The following ZNFX1 variants were observed in gnomAD, a reference collection of about 807,000 sequenced individuals.
ZNFX1 encodes the protein zinc finger NFX1-type containing 1.
ZNFX1 carries 78 observed loss-of-function variants against 179.8 expected under a neutral mutation model. The ratio of observed to expected loss-of-function variants is 0.43; its 90% CI spans 0.36 to 0.52. ZNFX1 has a LOEUF of 0.52. ZNFX1 is among the 20% of genes least tolerant of loss of function. The pLI is 0.00. For missense variants in ZNFX1, 1,927 were observed against 2,386.6 expected, an observed-to-expected ratio of 0.81 and a Z score of 4.01; for synonymous variants, 848 against 868.5, an observed-to-expected ratio of 0.98 and a Z score of 0.42.
intron 9 of ZNFX1, among the ~76,000 whole-genome samples, chr20:49,255,172 T>C (rs1221456329): frequency 6.6e-6 from 1 of 151,392 alleles, no homozygotes; most frequent in Non-Finnish European, 1.5e-5. Context: ...GCCTCCCGAG[T>C]AGCTGGGATT....
Position 49,270,699 on chromosome 20 carries a change from G to C in ZNFX1, c.1113C>G (p.Thr371=). Residue 371 remains threonine (T), a synonymous_variant, in exon 3 of 14, where the codon ACC becomes ACG. Transcript: ENST00000396105. The surrounding 1 kb of genome is among the most constrained non-coding windows in gnomAD (Gnocchi z 4.6). ...KYDSTAIYLD[T]HFRLLREDFV... is the part of the protein sequence containing the mutation. ...AATCTTCTCGCAGGAGCCGGAAGTG[G>C]GTATCCAGATAGATAGCAGTGCTGT... is the stretch of plus-strand genomic sequence containing the variant. 6.2e-7 allele frequency: 1 copy of C among 1,614,128 alleles called. No homozygotes were observed. The highest frequency in any genetic ancestry group is 8.5e-7 in the Non-Finnish European group (1 of 1,180,040).
intron 2 of ZNFX1, among the ~76,000 whole-genome samples, chr20:49,272,463 C>T (rs1218791521): frequency 6.6e-6 from 1 of 152,110 alleles, no homozygotes; most frequent in South Asian, 2.1e-4. Context: ...GGATTACAGG[C>T]GTAAGCCACC....
rs116381562 is a variant in ZNFX1, at chr20:49,262,715, T to G, written c.2301+619A>C. 4.8e-3 allele frequency among the ~76,000 whole-genome samples: 735 copies of G among 152,322 alleles called. 6 individuals carry two copies. Among genetic ancestry groups the G allele is most frequent in the African/African-American group, 0.017 (688 of 41,568 alleles). On this transcript the variant is annotated intron_variant, in intron 6 of 13. Coordinates refer to ENST00000396105, the MANE Select transcript of ZNFX1 (RefSeq NM_021035.3). The stretch of plus-strand genomic sequence containing the variant: ...TTCACTGGGTTCCTAGCCTGCCACT[T>G]TACAGAGACTGTCTCAGTTATTTCT...
chr20:49,275,727 C>T, intron 2 of ZNFX1, 52 bp downstream of exon 2: 1 of 1,566,810 alleles, frequency 6.4e-7, no homozygotes, highest in Non-Finnish European at 8.8e-7. Context: ...AGCCCTATTT[C>T]CTTCTTTTAT....
At chr20:49,266,805 G>C (rs1261876777) in intron 3 of ZNFX1, among the ~76,000 whole-genome samples, 1 of 151,986 alleles carries the variant, frequency 6.6e-6, no homozygotes, top group Non-Finnish European at 1.5e-5. Flanking sequence ...TGTGATGGGA[G>C]GGGAAAACTT....
intron 13 of ZNFX1, among the ~76,000 whole-genome samples, chr20:49,250,242 G>A (rs1980803066): frequency 6.6e-6 from 1 of 152,186 alleles, no homozygotes; most frequent in Non-Finnish European, 1.5e-5. Context: ...GTGACAGACA[G>A]AGTGAGACTC....
Position 49,263,364 on chromosome 20 carries a change from G to A in ZNFX1, c.2271C>T (p.His757=). The A allele has an allele frequency of 3.7e-6, 6 of 1,613,794 alleles. No individual in the cohort carries two copies. The highest frequency in any genetic ancestry group is 4.2e-6 in the Non-Finnish European group (5 of 1,180,020). The change falls in exon 6 of 14, where the codon CAC becomes CAT. Residue 757 remains histidine, a synonymous_variant. Transcript: ENST00000396105. ...QYLQKYISPQ[H]WESLMNGPVQ... ...CTGGTCCATTCATGAGACTTTCCCA[G>A]TGCTGGGGTGAGATGTACTTCTGCA...
intron 5 of ZNFX1, 123 bp downstream of exon 5, chr20:49,264,593 C>T: frequency 1.6e-6 from 2 of 1,231,994 alleles, no homozygotes; most frequent in Non-Finnish European, 2.3e-6. Context: ...CTGAAAGGAA[C>T]CTGGGTCCTC....
chr20:49,274,981 G>A (rs1981515057), intron 2 of ZNFX1, among the ~76,000 whole-genome samples: 1 of 151,374 alleles, frequency 6.6e-6, no homozygotes, highest in East Asian at 2.0e-4. Context: ...AAATTAGCCG[G>A]GCGTGGTGGT....
chr20:49,263,874 A>C (rs1981174795), intron 5 of ZNFX1, among the ~76,000 whole-genome samples: 1 of 152,154 alleles, frequency 6.6e-6, no homozygotes, highest in African/African-American at 2.4e-5. Flanking sequence ...CAGATTTTGG[A>C]ATATTTGCGT....
chr20:49,277,077 C>T (rs1399727756), intron 1 of ZNFX1, among the ~76,000 whole-genome samples: 1 of 151,196 alleles, frequency 6.6e-6, no homozygotes, highest in Non-Finnish European at 1.5e-5. Context: ...ATGCTGGGAT[C>T]GAAAACAGAC....
intron 3 of ZNFX1, among the ~76,000 whole-genome samples, chr20:49,269,503 G>A (rs1409388771): frequency 1.3e-5 from 2 of 152,158 alleles, no homozygotes; most frequent in Admixed American, 1.3e-4. Context: ...CTAACATGGT[G>A]AAACCCTGTC....
chr20:49,257,453 T>A lies in ZNFX1; in HGVS notation c.2628A>T (p.Thr876=), dbSNP rs138243314. ...AMRLDHCGTG[T]AAGQEQATGE... is the part of the protein sequence containing the mutation. ...CTGTGGCTTGCTCCTGTCCAGCTGC[T>A]GTCCCAGTGCCACAATGGTCTAGCC... The change falls in exon 8 of 14, where the codon ACA becomes ACT. Residue 876 remains threonine, a synonymous_variant. Coordinates refer to ENST00000396105, the MANE Select transcript of ZNFX1 (RefSeq NM_021035.3). 2.5e-5 allele frequency: 41 copies of A among 1,614,020 alleles called. No homozygotes were observed. The African/African-American group carries it at 5.3e-4, about 21-fold the overall frequency.
At chr20:49,256,082 A>G (rs1980965515) in intron 8 of ZNFX1, 135 bp from the exon 9 acceptor site, 1 of 1,131,934 alleles carries the variant, frequency 8.8e-7, no homozygotes, top group Admixed American at 2.7e-5. Flanking sequence ...CATTCTCCCA[A>G]CAGCTCTTCC....
chr20:49,248,886 G>A lies in ZNFX1; in HGVS notation c.4138C>T (p.Leu1380=), dbSNP rs1980755498. Residue 1380 remains leucine (L), a synonymous_variant, in exon 14 of 14, where the codon CTG becomes TTG. Coordinates refer to ENST00000396105, the MANE Select transcript of ZNFX1 (RefSeq NM_021035.3). The surrounding 1 kb of genome is among the most constrained non-coding windows in gnomAD (Gnocchi z 4.6). ...FCCQEPCSKS[L]RCGHRCSHPC... is the part of the protein sequence containing the mutation. ...TGGCTGCATCTGTGCCCACATCTCAGAGACTTGGAGCAAGGCTCCTGGCAG... is the reference window on the plus strand; with the variant it reads ...TGGCTGCATCTGTGCCCACATCTCAAAGACTTGGAGCAAGGCTCCTGGCAG... 1.2e-6 allele frequency: 2 copies of A among 1,614,138 alleles called. No homozygotes were observed. The highest frequency in any genetic ancestry group is 1.3e-5 in the African/African-American group (1 of 74,946).
chr20:49,270,055 T>C lies in ZNFX1; in HGVS notation c.1757A>G (p.Asp586Gly), dbSNP rs144052621. ...TTCTTTTGAGGGCCACTGGCCAGGATCTAAGACATTAATTCTGGGATGTCT... is the reference window on the plus strand; with the variant it reads ...TTCTTTTGAGGGCCACTGGCCAGGACCTAAGACATTAATTCTGGGATGTCT... Reference protein sequence around the residue: ...GLRHPRINVLDPGQWPSKEAL... With the variant: ...GLRHPRINVLGPGQWPSKEAL... The change falls in exon 3 of 14, where the codon GAT (aspartate) becomes GGT (glycine). Residue 586 changes from aspartate (D) to glycine (G), a missense_variant. Asp to Gly is a moderately conservative substitution (Grantham distance 94, BLOSUM62 -1). Transcript: ENST00000396105. The surrounding 1 kb of genome is among the most constrained non-coding windows in gnomAD (Gnocchi z 4.6). 1.2e-6 allele frequency: 2 copies of C among 1,614,238 alleles called. No homozygotes were observed. Among genetic ancestry groups the C allele is most frequent in the Non-Finnish European group, 1.7e-6 (2 of 1,180,038 alleles).
intron 3 of ZNFX1, among the ~76,000 whole-genome samples, chr20:49,268,209 C>A (rs2146740040): frequency 6.6e-6 from 1 of 152,242 alleles, no homozygotes; most frequent in East Asian, 1.9e-4. Context: ...GCTTCTATTT[C>A]ACAAGGTTGT....
chr20:49,252,227 C>T (rs1469491721), intron 12 of ZNFX1, among the ~76,000 whole-genome samples: 29 of 150,060 alleles, frequency 1.9e-4, no homozygotes, highest in Middle Eastern at 3.7e-3. Flanking sequence ...CTGCAACCAC[C>T]GCCTCCCAGG....
In ZNFX1 at chr20:49,248,098, C is replaced by G; in HGVS notation, c.4926G>C (p.Glu1642Asp). 1 of 1,614,206 alleles carries G rather than the reference C, an allele frequency of 6.2e-7. No individual in the cohort carries two copies. Among genetic ancestry groups the G allele is most frequent in the South Asian group, 1.1e-5 (1 of 91,086 alleles). ...YGTSIKQRLE[E>D]IEIIKEKIQG... The stretch of plus-strand genomic sequence containing the variant: ...GGATCTTTTCCTTGATGATTTCAAT[C>G]TCTTCTAGCCGCTGTTTTATGCTAG... The change falls in exon 14 of 14, where the codon GAG (glutamate) becomes GAC (aspartate). Residue 1642 changes from glutamate (E) to aspartate (D), a missense_variant. By Grantham distance (45) the Glu-to-Asp change is conservative. Transcript: ENST00000396105. The surrounding 1 kb of genome is among the most constrained non-coding windows in gnomAD (Gnocchi z 4.6).
Sources: gnomAD v4.1 joint callset for allele counts (sites outside exome capture counted in the v4.1 genomes callset) on GRCh38, gnomAD v4.1.1 for gene constraint, Gnocchi (gnomAD v3.1) non-coding constraint, MANE v1.5 for transcripts, NCBI Gene and HGNC (gene_info 2026-07-23, HGNC 2026-07-21) for gene names.